Variants in EXOC2 observed in about 807,000 individuals in gnomAD.
EXOC2 encodes the protein SEC5-like 1.
EXOC2 carries 70 observed loss-of-function variants against 131.8 expected under a neutral mutation model. The ratio of observed to expected loss-of-function variants is 0.53; its 90% CI spans 0.44 to 0.65. The LOEUF (loss-of-function observed/expected upper bound fraction) is 0.65, where lower values mean the gene tolerates loss of function less well. Among genes scored for constraint, EXOC2 ranks in the 30% least tolerant of loss-of-function variants. The pLI, the probability that EXOC2 is intolerant of heterozygous loss-of-function variation, is 0.00. For missense variants in EXOC2, 923 were observed against 1,108.6 expected (o/e 0.83, Z 2.38); for synonymous variants, 411 against 398.4 (o/e 1.03, Z -0.38).
intron 8 of EXOC2, 43 bp downstream of exon 8, chr6:599,037 T>C (rs777584842): frequency 1.9e-6 from 3 of 1,570,772 alleles, no homozygotes; most frequent in Non-Finnish European, 2.6e-6. Context: ...TAAAAATGTA[T>C]GACATCTACA....
chr6:486,848 G>A (rs895071107), intron 27 of EXOC2, 84 bp from the exon 28 acceptor site: 12 of 1,015,172 alleles, frequency 1.2e-5, no homozygotes, highest in Middle Eastern at 2.9e-4. Context: ...GCCAGTGCCC[G>A]GCTCTGCCTG....
chr6:589,670 C>A (rs1759423954), intron 11 of EXOC2, among the ~76,000 whole-genome samples: 3 of 152,232 alleles, frequency 2.0e-5, no homozygotes, highest in South Asian at 4.1e-4. Context: ...CGGCTCCTGG[C>A]ACAGCAGCCA....
chr6:572,603 T>C lies in EXOC2; in HGVS notation c.1360A>G (p.Lys454Glu). 6.2e-7 allele frequency: 1 copy of C among 1,614,172 alleles called. No individual in the cohort carries two copies. The highest frequency in any genetic ancestry group is 8.5e-7 in the Non-Finnish European group (1 of 1,180,014). ...KTPHRVAFVE[K>E]LTKLVLSQLP... ...TGGCTCAAGACGAGTTTTGTCAATT[T>C]TTCAACAAAGGCCACCCTGTGGGGA... The change falls in exon 13 of 28, where the codon AAA becomes GAA. Residue 454 changes from lysine to glutamate, a missense_variant. Lys to Glu is a moderately conservative substitution (Grantham distance 56). Coordinates refer to ENST00000230449, the MANE Select transcript of EXOC2 (RefSeq NM_018303.6).
chr6:589,873 G>A (rs1212534251), intron 11 of EXOC2, among the ~76,000 whole-genome samples: 3 of 152,232 alleles, frequency 2.0e-5, no homozygotes, highest in East Asian at 1.9e-4. Context: ...TTGGGAGGCC[G>A]AGGCGGGTGG....
At chr6:528,150 T>TA (rs977020864) in intron 23 of EXOC2, among the ~76,000 whole-genome samples, 1 of 151,902 alleles carries the variant, frequency 6.6e-6, no homozygotes, top group African/African-American at 2.4e-5. Context: ...CGGTAAGATT[T>TA]AAAAAAACAT....
chr6:562,065 C>T (rs1473748525), intron 17 of EXOC2, among the ~76,000 whole-genome samples: 1 of 152,180 alleles, frequency 6.6e-6, no homozygotes, highest in African/African-American at 2.4e-5. Flanking sequence ...CACGAGTGAC[C>T]CCGAGGCCAG....
intron 11 of EXOC2, among the ~76,000 whole-genome samples, chr6:582,139 T>A (rs1758940688): frequency 6.6e-6 from 1 of 152,256 alleles, no homozygotes; most frequent in African/African-American, 2.4e-5. Flanking sequence ...CTATAGAAAA[T>A]GCTTATTATA....
rs1163879330 is a variant in EXOC2 at position 562,804 on chromosome 6, T to C, written c.1831A>G (p.Asn611Asp). Residue 611 changes from asparagine to aspartate, a missense_variant, in exon 17 of 28, where the codon AAT becomes GAT. Physicochemically the swap from Asn to Asp is conservative, Grantham distance 23. Coordinates refer to ENST00000230449, the MANE Select transcript of EXOC2 (RefSeq NM_018303.6). ...LAEKEDWIVD[N>D]EGLTSLPCQF... is the part of the protein sequence containing the mutation. ...CTTACTAGAGAAGTCAGTCCTTCATTGTCAACAATCCAGTCTTCTTTTTCA... is the reference window on the plus strand; with the variant it reads ...CTTACTAGAGAAGTCAGTCCTTCATCGTCAACAATCCAGTCTTCTTTTTCA... 1 of 1,600,378 alleles carries C rather than the reference T, an allele frequency of 6.2e-7. No homozygotes were observed. The highest frequency in any genetic ancestry group is 8.5e-7 in the Non-Finnish European group (1 of 1,174,870).
intron 1 of EXOC2, among the ~76,000 whole-genome samples, chr6:659,049 G>C (rs1763295055): frequency 6.6e-6 from 1 of 152,102 alleles, no homozygotes; most frequent in Admixed American, 6.5e-5. Context: ...TCTGTTCTTA[G>C]GGAGTTCACA....
chr6:555,361 G>C, intron 19 of EXOC2, 73 bp from the exon 20 acceptor site: 1 of 975,672 alleles, frequency 1.0e-6, no homozygotes, highest in Non-Finnish European at 1.5e-6. Flanking sequence ...GGACACTAAA[G>C]ATAACTTTAC....
intron 11 of EXOC2, among the ~76,000 whole-genome samples, chr6:582,237 C>T (rs377027041): frequency 3.2e-3 from 66 of 20,348 alleles, no homozygotes; most frequent in African/African-American, 0.016. Flanking sequence ...TTTCAATAGT[C>T]GGTATTTTTT....
At chr6:593,535 A>G (rs190503165) in intron 10 of EXOC2, among the ~76,000 whole-genome samples, 2 of 152,370 alleles carry the variant, frequency 1.3e-5, no homozygotes, top group East Asian at 3.9e-4. Flanking sequence ...ACCCAAATCC[A>G]TAGAGACCAT....
At chr6:589,291 G>A (rs1451012343) in intron 11 of EXOC2, among the ~76,000 whole-genome samples, 2 of 151,800 alleles carry the variant, frequency 1.3e-5, no homozygotes, top group Non-Finnish European at 2.9e-5. Context: ...TGTCTGGAAC[G>A]CGTCTCAATG....
chr6:625,518 C>CTTTTTTTTTT (rs796295514), intron 4 of EXOC2, among the ~76,000 whole-genome samples: 59 of 108,030 alleles, frequency 5.5e-4, no homozygotes, highest in East Asian at 8.0e-4. Context: ...TGTTTCCGTT[C>CTTTTTTTTTT]TTTTTTTTTT....
intron 6 of EXOC2, among the ~76,000 whole-genome samples, chr6:611,960 C>A (rs1164552275): frequency 6.6e-6 from 1 of 152,160 alleles, no homozygotes; most frequent in Non-Finnish European, 1.5e-5. Flanking sequence ...ATGTAGATAT[C>A]AAATTTGCAA....
chr6:495,291 A>T (rs916296911), intron 25 of EXOC2, among the ~76,000 whole-genome samples: 1 of 149,266 alleles, frequency 6.7e-6, no homozygotes, highest in Non-Finnish European at 1.5e-5. Context: ...GCGCCCGGCT[A>T]ATTTTTTGTA....
chr6:614,937 G>A (rs1379745585), intron 6 of EXOC2, among the ~76,000 whole-genome samples: 1 of 19,928 alleles, frequency 5.0e-5, no homozygotes, highest in Non-Finnish European at 9.4e-5. Flanking sequence ...CTACTAAGGA[G>A]GAAAATTACA....
At chr6:550,988 T>G (rs2127568037) in intron 21 of EXOC2, among the ~76,000 whole-genome samples, 1 of 152,372 alleles carries the variant, frequency 6.6e-6, no homozygotes, top group East Asian at 1.9e-4. Context: ...TTGAGTGATT[T>G]AAAGTCTTCC....
At chr6:550,004 C>T (rs1337092241) in intron 21 of EXOC2, among the ~76,000 whole-genome samples, 1 of 152,242 alleles carries the variant, frequency 6.6e-6, no homozygotes, top group Non-Finnish European at 1.5e-5. Flanking sequence ...GACACAAATG[C>T]TGATAAACAC....
Sources: gnomAD v4.1 joint callset for allele counts (sites outside exome capture counted in the v4.1 genomes callset) on GRCh38, gnomAD v4.1.1 for gene constraint, MANE v1.5 for transcripts, NCBI Gene and HGNC (gene_info 2026-07-23, HGNC 2026-07-21) for gene names.